SIRT6: variants seen among roughly 807,000 people sequenced by gnomAD.
SIRT6 encodes the protein sirtuin 6.
A neutral mutation model predicts 33.6 loss-of-function variants in SIRT6; 21 were observed. The observed-to-expected ratio is 0.62, with a 90% CI of 0.44 to 0.90. The LOEUF (loss-of-function observed/expected upper bound fraction) is 0.90. SIRT6 is among the 40% of genes least tolerant of loss of function. The pLI is 0.00. For synonymous variants in SIRT6, 221 were observed against 223.9 expected (o/e 0.99, Z 0.12); for missense variants, 504 against 510.6 (o/e 0.99, Z 0.12).
At chr19:4,175,575 C>T in intron 6 of SIRT6, 105 bp downstream of exon 6, 1 of 1,174,802 alleles carries the variant, frequency 8.5e-7, no homozygotes, top group Non-Finnish European at 1.2e-6. Context: ...AGCCTCCCCT[C>T]ACTGCCTGTG....
intron 4 of SIRT6, among the ~76,000 whole-genome samples, chr19:4,176,873 T>C (rs1599361063): frequency 8.8e-6 from 1 of 113,666 alleles, no homozygotes; most frequent in Non-Finnish European, 1.8e-5. Flanking sequence ...CCCCCCCAAA[T>C]CCCTCCAGGA....
In SIRT6 at chr19:4,175,863, G is replaced by A. The variant is rs1349381932; in HGVS notation, c.512C>T (p.Ala171Val). The A allele has an allele frequency of 6.4e-7, 1 of 1,563,522 alleles. No homozygotes were observed. The highest frequency in any genetic ancestry group is 1.2e-5 in the South Asian group (1 of 85,004). Residue 171 changes from alanine (A) to valine (V), a missense_variant, in exon 5 of 8, where the codon GCA (alanine) becomes GTA (valine). By Grantham distance (64) the Ala-to-Val change is moderately conservative. Coordinates refer to ENST00000337491, the MANE Select transcript of SIRT6 (RefSeq NM_016539.4). ...ATGRLCTVAKARGLRACRGEL... is the reference protein window; with the variant it reads ...ATGRLCTVAKVRGLRACRGEL... Reference sequence around the variant, plus strand: ...TCACCTGCAGGCTCGCAGCCCCCTTGCCTTAGCCACGGTGCAGAGCCGGCC... The same window carrying A: ...TCACCTGCAGGCTCGCAGCCCCCTTACCTTAGCCACGGTGCAGAGCCGGCC...
intron 1 of SIRT6, among the ~76,000 whole-genome samples, chr19:4,181,623 C>T (rs953090290): frequency 2.0e-5 from 3 of 152,238 alleles, no homozygotes; most frequent in African/African-American, 7.2e-5. Context: ...CCCGCCTCTA[C>T]TAAAAATACA....
chr19:4,182,418 C>T, intron 1 of SIRT6, 56 bp downstream of exon 1: 1 of 1,551,946 alleles, frequency 6.4e-7, no homozygotes, highest in Admixed American at 1.9e-5. Context: ...TGCCATCCGG[C>T]CGCTCCCAGC....
At chr19:4,179,445 A>C in intron 2 of SIRT6, 159 bp from the exon 3 acceptor site, 1 of 752,594 alleles carries the variant, frequency 1.3e-6, no homozygotes, top group East Asian at 2.7e-5. Context: ...ACAGAAATAG[A>C]GGGTGAGTTG....
rs747556551 is a variant in SIRT6, at chr19:4,174,645, CT to C, written c.1039del (p.Arg347GlyfsTer2). 2 of 1,451,776 alleles carry C rather than the reference CT, an allele frequency of 1.4e-6. No homozygotes were observed. Among genetic ancestry groups the C allele is most frequent in the Non-Finnish European group, 1.8e-6 (2 of 1,099,538 alleles). 89.9% of individuals were successfully genotyped at this position (1,451,776 alleles called of 1,614,324 possible). A position where few individuals can be genotyped will look rare whatever the true frequency, so the allele number is the denominator to read the frequency against. On this transcript the variant is annotated frameshift_variant, in exon 8 of 8. Transcript: ENST00000337491. LOFTEE classifies it high-confidence loss of function. The surrounding 1 kb of genome is among the most constrained non-coding windows in gnomAD (Gnocchi z 4.2). ...GCTGGGGACCGCCTTGGCCTTCACC[CT>C]TTTGGGGGGTCTGTGGGGGGCAGGG... ...TSPAPHRPPK[R>X]VKAKAVPS
rs780137407 is a variant in SIRT6, at chr19:4,174,574, CCA to C, written c.*41_*42del. 9 of 1,389,776 alleles carry C rather than the reference CCA, an allele frequency of 6.5e-6. No homozygotes were observed. Among genetic ancestry groups the C allele is most frequent in the Non-Finnish European group, 7.6e-6 (8 of 1,059,068 alleles). 86.1% of individuals were successfully genotyped at this position (1,389,776 alleles called of 1,614,324 possible). A position where few individuals can be genotyped will look rare whatever the true frequency, so the allele number is the denominator to read the frequency against. ...AGTGAGACCACGAGAGAAAAAGAAT[CCA>C]CAGTTTCTACAAAAAGCCCCACCCT... is the stretch of plus-strand genomic sequence containing the variant. On this transcript the variant is annotated 3_prime_UTR_variant, in exon 8 of 8. Coordinates refer to ENST00000337491, the MANE Select transcript of SIRT6 (RefSeq NM_016539.4). This position sits in a 1 kb window ranked among gnomAD's most constrained non-coding sequence, Gnocchi z 4.2.
chr19:4,179,103 C>A lies in SIRT6; in HGVS notation c.377+1G>T. The A allele has an allele frequency of 1.2e-6, 2 of 1,611,580 alleles. No individual in the cohort carries two copies. Among genetic ancestry groups the A allele is most frequent in the Non-Finnish European group, 1.7e-6 (2 of 1,179,738 alleles). ...TTGTGGGGGCGGGGCCAGGGTGTTA[C>A]CTGGGGAAGCCTGAGCGCACATGGA... On this transcript the variant is annotated splice_donor_variant, in intron 3 of 7. Transcript: ENST00000337491. LOFTEE classifies it high-confidence loss of function.
At chr19:4,179,416 CAG>C (rs1359264254) in intron 2 of SIRT6, 130 bp from the exon 3 acceptor site, 12 of 986,094 alleles carry the variant, frequency 1.2e-5, no homozygotes, top group African/African-American at 1.6e-5. Context: ...GACAGGGAGA[CAG>C]AGAGAGGGAA....
intron 2 of SIRT6, among the ~76,000 whole-genome samples, chr19:4,180,450 C>T (rs1967559836): frequency 6.6e-6 from 1 of 152,090 alleles, no homozygotes; most frequent in African/African-American, 2.4e-5. Context: ...GTGGTGCAAT[C>T]TCGGCTCACT....
At chr19:4,180,755 C>A in intron 2 of SIRT6, 27 bp downstream of exon 2, 1 of 1,583,306 alleles carries the variant, frequency 6.3e-7, no homozygotes, top group Non-Finnish European at 8.6e-7. Flanking sequence ...TAGGCCTTGC[C>A]TCGACTTCCC....
intron 3 of SIRT6, among the ~76,000 whole-genome samples, chr19:4,177,997 C>T (rs1339111496): frequency 6.7e-6 from 1 of 148,690 alleles, no homozygotes; most frequent in African/African-American, 2.5e-5. Context: ...TGCTGAGATT[C>T]CAGGCATAAG....
rs350846 is a variant in SIRT6 at position 4,174,401 on chromosome 19, C to G, written c.*216G>C. The G allele has an allele frequency of 0.87, 369,482 of 422,696 alleles. 162,491 individuals are homozygous for G. Among genetic ancestry groups the G allele is most frequent in the African/African-American group, 0.97 (47,140 of 48,718 alleles). The allele number at this position is 422,696 out of a possible 1,614,324, so 26.2% of individuals were successfully genotyped here. On this transcript the variant is annotated 3_prime_UTR_variant, in exon 8 of 8. Transcript: ENST00000337491. This position sits in a 1 kb window ranked among gnomAD's most constrained non-coding sequence, Gnocchi z 4.2. ...GAGGCTGGGGTGTGGCAGGGGCTCACCTGTCACCTCTGGGGTGTGGCTTCT... is the reference window on the plus strand; with the variant it reads ...GAGGCTGGGGTGTGGCAGGGGCTCAGCTGTCACCTCTGGGGTGTGGCTTCT...
intron 1 of SIRT6, among the ~76,000 whole-genome samples, chr19:4,182,024 C>G (rs1028930766): frequency 2.0e-5 from 3 of 152,246 alleles, no homozygotes; most frequent in Middle Eastern, 3.4e-3. Context: ...GATCCCTCCA[C>G]TTCCCCTCTG....
chr19:4,175,322 T>C (rs564526564), intron 6 of SIRT6, 171 bp from the exon 7 acceptor site: 3 of 900,426 alleles, frequency 3.3e-6, no homozygotes, highest in South Asian at 3.5e-5. Flanking sequence ...CTGCGGTCCG[T>C]TGGCGGGGTC....
At chr19:4,182,273 C>A (rs1442474313) in intron 1 of SIRT6, 1 of 561,518 alleles carries the variant, frequency 1.8e-6, no homozygotes, top group Non-Finnish European at 3.1e-6. Context: ...CGATCAGCCC[C>A]GACAGGGTGA....
chr19:4,175,150 T>TCC lies in SIRT6; in HGVS notation c.615-1_615dup (p.Asn206GlyfsTer58). 1 of 1,599,950 alleles carries TCC rather than the reference T, an allele frequency of 6.3e-7. No individual in the cohort carries two copies. Among genetic ancestry groups the TCC allele is most frequent in the East Asian group, 2.3e-5 (1 of 44,442 alleles). On this transcript the variant is annotated frameshift_variant and splice_region_variant, in exon 7 of 8. Transcript: ENST00000337491. LOFTEE classifies it high-confidence loss of function. ...CCCAGCGTGATGGACAGGTCGGCGT[T>TCC]CCTGGGGCCGGGGAGCGTGGGCTGA...
At position 4,174,249 on chromosome 19, in the gene SIRT6, T is replaced by G. The variant is rs1967144182; in HGVS notation, c.*368A>C. 50 of 180,618 alleles carry G rather than the reference T, an allele frequency of 2.8e-4. No homozygotes were observed. Among genetic ancestry groups the G allele is most frequent in the East Asian group, 9.8e-4 (7 of 7,152 alleles). The allele number at this position is 180,618 out of a possible 1,614,324, so 11.2% of individuals were successfully genotyped here. A position where few individuals can be genotyped will look rare whatever the true frequency, so the allele number is the denominator to read the frequency against. On this transcript the variant is annotated 3_prime_UTR_variant, in exon 8 of 8. Coordinates refer to ENST00000337491, the MANE Select transcript of SIRT6 (RefSeq NM_016539.4). The surrounding 1 kb of genome is among the most constrained non-coding windows in gnomAD (Gnocchi z 4.2). ...TGGGTCTCCCCTCCTGCAGGGCCCA[T>G]GGAGGAGGGGTAGGGTGGGCTGTAG... is the stretch of plus-strand genomic sequence containing the variant.
In SIRT6 at chr19:4,179,086, GC is replaced by G. The variant is rs1967470301; in HGVS notation, c.377+17del. 1.9e-6 allele frequency: 3 copies of G among 1,609,796 alleles called. No homozygotes were observed. The highest frequency in any genetic ancestry group is 3.4e-5 in the Admixed American group (2 of 59,650). ...TGGGGCCCCAAGCTCTTTTGTGGGGGCGGGGCCAGGGTGTTACCTGGGGAAG... is the reference window on the plus strand; with the variant it reads ...TGGGGCCCCAAGCTCTTTTGTGGGGGGGGGCCAGGGTGTTACCTGGGGAAG... On this transcript the variant is annotated intron_variant, in intron 3 of 7. Coordinates refer to ENST00000337491, the MANE Select transcript of SIRT6 (RefSeq NM_016539.4).
Sources: gnomAD v4.1 joint callset for allele counts (sites outside exome capture counted in the v4.1 genomes callset) on GRCh38, gnomAD v4.1.1 for gene constraint, Gnocchi (gnomAD v3.1) non-coding constraint, MANE v1.5 for transcripts, NCBI Gene and HGNC (gene_info 2026-07-23, HGNC 2026-07-21) for gene names.